MAGI2: variants seen among roughly 807,000 people sequenced by gnomAD.
MAGI2 encodes membrane-associated guanylate kinase, WW and PDZ domain-containing protein 2.
MAGI2 carries 35 observed loss-of-function variants against 133.3 expected under a neutral mutation model. The ratio of observed to expected loss-of-function variants is 0.26; its 90% CI spans 0.20 to 0.35. The LOEUF is 0.35. Ranked by LOEUF, MAGI2 falls within the 10% of genes least tolerant of loss-of-function variation. The pLI, the probability that MAGI2 is intolerant of heterozygous loss-of-function variation, is 1.00. For synonymous variants in MAGI2, 729 were observed against 710.6 expected, an observed-to-expected ratio of 1.03 and a Z score of -0.41; for missense variants, 1,636 against 1,863.4, an observed-to-expected ratio of 0.88 and a Z score of 2.25.
At chr7:79,372,019 C>T (rs1030855423) in intron 1 of MAGI2, among the ~76,000 whole-genome samples, 1 of 152,080 alleles carries the variant, frequency 6.6e-6, no homozygotes, top group African/African-American at 2.4e-5. Context: ...CAGAGCAACC[C>T]TACGAGGTAG....
intron 2 of MAGI2, among the ~76,000 whole-genome samples, chr7:78,986,590 T>C (rs1562753783): frequency 6.6e-6 from 1 of 151,914 alleles, no homozygotes; most frequent in Non-Finnish European, 1.5e-5. Context: ...GGTGTGATCA[T>C]AGCTCACTGC....
chr7:78,427,648 GAACAAA>G (rs574982174), intron 6 of MAGI2, among the ~76,000 whole-genome samples: 4,822 of 65,782 alleles, frequency 0.073, 242 homozygotes, highest in African/African-American at 0.22. Context: ...GTAACTGAGA[GAACAAA>G]AAGACAAAAA....
chr7:79,015,999 G>C lies in MAGI2; in HGVS notation c.302-8793C>G, dbSNP rs906770879. On this transcript the variant is annotated intron_variant, in intron 1 of 21. Transcript: ENST00000354212. ...AGCCCTCAATGACTCCTGGAGAAGC[G>C]GGGGGGGGGGGTGGGGGTTGAGCAG... is the stretch of plus-strand genomic sequence containing the variant. 6.9e-4 allele frequency among the ~76,000 whole-genome samples: 27 copies of C among 39,098 alleles called. 1 individual carries two copies. The highest frequency in any genetic ancestry group is 3.4e-3 in the African/African-American group (26 of 7,538). The allele number at this position is 39,098 out of a possible 152,430, so 25.6% of individuals were successfully genotyped here.
chr7:78,661,431 T>C (rs901912273), intron 2 of MAGI2, among the ~76,000 whole-genome samples: 14 of 152,222 alleles, frequency 9.2e-5, no homozygotes, highest in Non-Finnish European at 2.1e-4. Context: ...TAACTCAGCA[T>C]TGCCCATAGA....
intron 6 of MAGI2, among the ~76,000 whole-genome samples, chr7:78,468,886 T>C (rs1002723609): frequency 3.9e-5 from 6 of 152,098 alleles, no homozygotes; most frequent in Non-Finnish European, 7.4e-5. Context: ...AATAGCAAAA[T>C]CACACACGGG....
chr7:79,266,885 C>T (rs1280503214), intron 1 of MAGI2, among the ~76,000 whole-genome samples: 1 of 152,106 alleles, frequency 6.6e-6, no homozygotes, highest in Non-Finnish European at 1.5e-5. Context: ...AACATCTTAA[C>T]ATACGTTCTT....
chr7:79,036,859 A>G (rs1030922725), intron 1 of MAGI2, among the ~76,000 whole-genome samples: 21 of 152,226 alleles, frequency 1.4e-4, no homozygotes, highest in African/African-American at 4.8e-4. Flanking sequence ...AAAAACTCAG[A>G]TCTATTGAGT....
At chr7:78,515,390 A>T (rs1335311559) in intron 4 of MAGI2, among the ~76,000 whole-genome samples, 1 of 152,156 alleles carries the variant, frequency 6.6e-6, no homozygotes, top group Non-Finnish European at 1.5e-5. Context: ...GAAGGAATAT[A>T]GGATCAGGGA....
At chr7:78,689,908 T>C (rs1816782684) in intron 2 of MAGI2, among the ~76,000 whole-genome samples, 2 of 152,084 alleles carry the variant, frequency 1.3e-5, no homozygotes, top group Admixed American at 1.3e-4. Context: ...ATTGGCAGTA[T>C]TTCTTTTGGT....
intron 1 of MAGI2, among the ~76,000 whole-genome samples, chr7:79,043,552 A>T (rs1811879349): frequency 1.3e-5 from 2 of 150,746 alleles, no homozygotes; most frequent in South Asian, 4.2e-4. Context: ...CAAAAAAAAA[A>T]AAAAAAAAAA....
chr7:78,314,593 A>G (rs749821901), intron 9 of MAGI2, among the ~76,000 whole-genome samples: 1 of 152,160 alleles, frequency 6.6e-6, no homozygotes, highest in Non-Finnish European at 1.5e-5. Flanking sequence ...ACAGTTTAAG[A>G]GTGTTAACCA....
At chr7:78,480,385 A>G (rs12705483) in intron 6 of MAGI2, among the ~76,000 whole-genome samples, 1 of 151,966 alleles carries the variant, frequency 6.6e-6, no homozygotes, top group East Asian at 1.9e-4. Flanking sequence ...AGTACAAAAA[A>G]AAATTACAGA....
rs576237336 is a variant in MAGI2 at position 78,904,468 on chromosome 7, T to C, written c.418+102622A>G. ...ATCATACATTTGAAAGCTAATACAG[T>C]TCTCTATAACTTGTGGTTAACACTG... On this transcript the variant is annotated intron_variant, in intron 2 of 21. Coordinates refer to ENST00000354212, the MANE Select transcript of MAGI2 (RefSeq NM_012301.4). Among the ~76,000 whole-genome samples, 374 of 152,112 alleles carry C rather than the reference T, an allele frequency of 2.5e-3. 1 individual carries two copies. Among genetic ancestry groups the C allele is most frequent in the African/African-American group, 8.5e-3 (353 of 41,500 alleles).
At chr7:79,138,707 T>C (rs1334845772) in intron 1 of MAGI2, among the ~76,000 whole-genome samples, 1 of 152,006 alleles carries the variant, frequency 6.6e-6, no homozygotes, top group African/African-American at 2.4e-5. Flanking sequence ...GGTGTAGTTA[T>C]AAAAAGAGTC....
intron 9 of MAGI2, among the ~76,000 whole-genome samples, chr7:78,329,576 G>A (rs1327957173): frequency 1.3e-5 from 2 of 152,168 alleles, no homozygotes; most frequent in South Asian, 2.1e-4. Context: ...AATTCAAGGA[G>A]TGTTATTTCT....
chr7:79,309,980 A>AAAAAG (rs1453697487), intron 1 of MAGI2, among the ~76,000 whole-genome samples: 26 of 98,314 alleles, frequency 2.6e-4, no homozygotes, highest in Admixed American at 5.5e-4. Context: ...AAAAAAAAAA[A>AAAAAG]AAAGAAAAGA....
intron 1 of MAGI2, among the ~76,000 whole-genome samples, chr7:79,211,654 C>T (rs1291435423): frequency 6.6e-6 from 1 of 151,768 alleles, no homozygotes; most frequent in African/African-American, 2.4e-5. Flanking sequence ...TTTTTGTTTT[C>T]TTATTTTCCT....
chr7:79,319,196 G>A (rs559110841), intron 1 of MAGI2, among the ~76,000 whole-genome samples: 4 of 152,138 alleles, frequency 2.6e-5, no homozygotes, highest in East Asian at 1.9e-4. Context: ...TGGGATGTTT[G>A]CCACCATTTT....
chr7:78,654,576 G>C (rs796367549), intron 2 of MAGI2, among the ~76,000 whole-genome samples: 4 of 151,276 alleles, frequency 2.6e-5, no homozygotes, highest in African/African-American at 9.7e-5. Context: ...GTTGAGTTCT[G>C]TGCTTAAACA....
Sources: gnomAD v4.1 joint callset for allele counts (sites outside exome capture counted in the v4.1 genomes callset) on GRCh38, gnomAD v4.1.1 for gene constraint, MANE v1.5 for transcripts, NCBI Gene and HGNC (gene_info 2026-07-23, HGNC 2026-07-21) for gene names.